AVEN: variants seen among roughly 807,000 people sequenced by gnomAD.
AVEN encodes apoptosis and caspase activation inhibitor, also known as cell death regulator Aven.
In AVEN, 41 loss-of-function variants were observed where a neutral mutation model predicts 38.1. The observed-to-expected ratio is 1.08, with a 90% CI of 0.84 to 1.40. The LOEUF is 1.40. AVEN is among the 40% of genes most tolerant of loss of function. The pLI is 0.00. For missense variants in AVEN, 605 were observed against 438.8 expected (o/e 1.38, Z -3.38); for synonymous variants, 206 against 171.8 (o/e 1.20, Z -1.56).
chr15:33,944,041 A>C (rs1894418209), intron 2 of AVEN, among the ~76,000 whole-genome samples: 1 of 152,018 alleles, frequency 6.6e-6, no homozygotes, highest in African/African-American at 2.4e-5. Context: ...GCCTAGTCAC[A>C]ATTTTTAAAA....
chr15:33,932,702 G>GT (rs1259838244), intron 2 of AVEN, among the ~76,000 whole-genome samples: 1 of 152,090 alleles, frequency 6.6e-6, no homozygotes, highest in African/African-American at 2.4e-5. Context: ...GCCGGCGCCT[G>GT]TAATCCCAGC....
chr15:33,952,768 GC>G (rs1441255855), intron 2 of AVEN, among the ~76,000 whole-genome samples: 1 of 151,430 alleles, frequency 6.6e-6, no homozygotes, highest in Non-Finnish European at 1.5e-5. Context: ...ATGTCTGAAT[GC>G]CTAATAGGGC....
chr15:33,920,834 C>T (rs1252723132), intron 2 of AVEN, among the ~76,000 whole-genome samples: 1 of 151,950 alleles, frequency 6.6e-6, no homozygotes, highest in African/African-American at 2.4e-5. Flanking sequence ...GGTGCAATCT[C>T]GCAATCTCGG....
At chr15:33,879,943 A>G (rs1164995840) in intron 2 of AVEN, among the ~76,000 whole-genome samples, 8 of 152,236 alleles carry the variant, frequency 5.3e-5, no homozygotes, top group Non-Finnish European at 7.3e-5. Flanking sequence ...TAAAAATAAA[A>G]GCAAACTATA....
chr15:33,877,993 T>C (rs1020352857), intron 2 of AVEN, among the ~76,000 whole-genome samples: 1 of 151,936 alleles, frequency 6.6e-6, no homozygotes, highest in Admixed American at 6.6e-5. Context: ...GAAGAAAATA[T>C]CTCATTCATA....
chr15:33,863,946 A>AATTTTGAGATTCATGTGTGCTACT (rs1889475093), downstream of AVEN, among the ~76,000 whole-genome samples: 2 of 152,162 alleles, frequency 1.3e-5, no homozygotes, highest in Non-Finnish European at 2.9e-5. Context: ...CAAAGTGGCT[A>AATTTTGAGATTCATGTGTGCTACT]ATTTTGAGAT....
intron 2 of AVEN, among the ~76,000 whole-genome samples, chr15:33,974,110 G>A (rs1895766133): frequency 6.6e-6 from 1 of 152,064 alleles, no homozygotes; most frequent in African/African-American, 2.4e-5. Context: ...TGCTCTATTT[G>A]ACATATGGAA....
chr15:34,056,036 C>T (rs7162678), intron 5 of AVEN, among the ~76,000 whole-genome samples: 1,833 of 152,160 alleles, frequency 0.012, 43 homozygotes, highest in African/African-American at 0.037. Context: ...TATTGTTATA[C>T]GTGTTTAACA....
At chr15:34,049,887 A>C in intron 5 of AVEN, among the ~76,000 whole-genome samples, 1 of 107,180 alleles carries the variant, frequency 9.3e-6, no homozygotes, top group Non-Finnish European at 2.0e-5. Flanking sequence ...ATCAACATCA[A>C]CTTTTTTTTT....
intron 1 of AVEN, 60 bp downstream of exon 1, chr15:34,038,720 C>G: frequency 8.9e-7 from 1 of 1,124,526 alleles, no homozygotes; most frequent in East Asian, 4.5e-5. Context: ...TGACTGGCGG[C>G]CTCGGCCCCA....
chr15:33,953,369 C>T lies in AVEN; in HGVS notation c.445+49663G>A, dbSNP rs553893639. ...AAAAAGAACAAAGCTGGAGGCATCACGCTACCTGACTTCAAACTATACTAC... is the reference window on the plus strand; with the variant it reads ...AAAAAGAACAAAGCTGGAGGCATCATGCTACCTGACTTCAAACTATACTAC... On this transcript the variant is annotated intron_variant, in intron 2 of 5. Coordinates refer to ENST00000306730, the MANE Select transcript of AVEN (RefSeq NM_020371.3). Among the ~76,000 whole-genome samples the T allele has an allele frequency of 1.4e-4, 22 of 152,212 alleles. No homozygotes were observed. In the East Asian group the frequency reaches 1.7e-3, roughly 12 times the overall value.
chr15:34,030,734 G>A (rs1290294016), intron 1 of AVEN, among the ~76,000 whole-genome samples: 3 of 151,788 alleles, frequency 2.0e-5, no homozygotes, highest in Admixed American at 6.6e-5. Flanking sequence ...TTCCTGCCTC[G>A]GCCTCCTGAG....
At chr15:33,944,733 C>T (rs763257597) in intron 2 of AVEN, among the ~76,000 whole-genome samples, 12 of 151,618 alleles carry the variant, frequency 7.9e-5, no homozygotes, top group Non-Finnish European at 1.0e-4. Flanking sequence ...GGCATGAACT[C>T]GGGAGGCGGA....
the AVEN span, chr15:33,852,876 C>T: frequency 3.2e-6 from 2 of 620,432 alleles, no homozygotes; most frequent in Non-Finnish European, 5.8e-6. Flanking sequence ...ATACATGACT[C>T]AGTAGAGCCT....
At chr15:34,050,413 A>G (rs1488708094) in intron 5 of AVEN, among the ~76,000 whole-genome samples, 9 of 152,326 alleles carry the variant, frequency 5.9e-5, no homozygotes, top group Admixed American at 5.9e-4. Context: ...AAGTACACAG[A>G]CCAGTGACAT....
intron 2 of AVEN, among the ~76,000 whole-genome samples, chr15:33,974,762 C>T (rs2140505784): frequency 6.6e-6 from 1 of 152,274 alleles, no homozygotes; most frequent in Admixed American, 6.5e-5. Flanking sequence ...CACCTGAGGT[C>T]AGGGGTTTGA....
intron 2 of AVEN, among the ~76,000 whole-genome samples, chr15:33,993,021 C>T (rs796888939): frequency 3.6e-4 from 55 of 152,178 alleles, no homozygotes; most frequent in African/African-American, 1.3e-3. Flanking sequence ...TAATATTTTC[C>T]CCACGTTTTC....
chr15:33,944,680 G>C (rs1486250688), intron 2 of AVEN, among the ~76,000 whole-genome samples: 1 of 151,986 alleles, frequency 6.6e-6, no homozygotes, highest in East Asian at 1.9e-4. Context: ...GTGGTGGCCG[G>C]CGCCTGTAGT....
chr15:33,862,671 C>T (rs368444998), downstream of AVEN, among the ~76,000 whole-genome samples: 8 of 151,906 alleles, frequency 5.3e-5, no homozygotes, highest in East Asian at 9.7e-4. Context: ...AGTGCAGTGG[C>T]GCCATCTTGG....
Sources: gnomAD v4.1 joint callset for allele counts (sites outside exome capture counted in the v4.1 genomes callset) on GRCh38, gnomAD v4.1.1 for gene constraint, MANE v1.5 for transcripts, NCBI Gene and HGNC (gene_info 2026-07-23, HGNC 2026-07-21) for gene names.